FCHSD2: variants seen among roughly 807,000 people sequenced by gnomAD.
FCHSD2 encodes FCH and double SH3 domains 2.
In FCHSD2, 38 loss-of-function variants were observed where a neutral mutation model predicts 108.1. That is an observed-to-expected ratio of 0.35 (90% CI 0.27 to 0.46). The LOEUF is 0.46. Ranked by LOEUF, FCHSD2 falls within the 20% of genes least tolerant of loss-of-function variation. The pLI is 1.00. For missense variants in FCHSD2, 751 were observed against 897.8 expected, an observed-to-expected ratio of 0.84 and a Z score of 2.09; for synonymous variants, 279 against 314.7, an observed-to-expected ratio of 0.89 and a Z score of 1.20.
In FCHSD2 at chr11:72,861,357, A is replaced by G. The variant is rs540236258; in HGVS notation, c.1308+6508T>C. Among the ~76,000 whole-genome samples the G allele has an allele frequency of 6.6e-5, 10 of 150,850 alleles. No individual in the cohort carries two copies. In the South Asian group the frequency reaches 1.9e-3, roughly 29 times the overall value. ...AGAAGAATAACCTTAATAACCCTGT[A>G]TCTACTAAAGAAATGGAGTCTATTA... On this transcript the variant is annotated intron_variant, in intron 13 of 19. Coordinates refer to ENST00000409418, the MANE Select transcript of FCHSD2 (RefSeq NM_014824.3).
At chr11:72,899,924 T>C (rs1032735449) in intron 10 of FCHSD2, among the ~76,000 whole-genome samples, 2 of 152,104 alleles carry the variant, frequency 1.3e-5, no homozygotes, top group Admixed American at 6.6e-5. Flanking sequence ...AACAGTAACA[T>C]GTCATTAATT....
At chr11:72,967,316 T>A (rs976098149) in intron 8 of FCHSD2, among the ~76,000 whole-genome samples, 2 of 151,114 alleles carry the variant, frequency 1.3e-5, no homozygotes, top group Admixed American at 1.3e-4. Flanking sequence ...TAGATGAGAA[T>A]AGAGATAGGC....
chr11:72,890,017 A>T (rs1855281552), intron 10 of FCHSD2, 72 bp from the exon 11 acceptor site: 1 of 888,670 alleles, frequency 1.1e-6, no homozygotes, highest in Non-Finnish European at 1.8e-6. Context: ...TTGTAGATGG[A>T]TCAGAAGGCC....
chr11:73,056,805 G>A (rs745966128), intron 3 of FCHSD2, among the ~76,000 whole-genome samples: 4 of 152,086 alleles, frequency 2.6e-5, no homozygotes, highest in South Asian at 2.1e-4. Flanking sequence ...TGACAAGGCC[G>A]GGCGCGGTGG....
At chr11:73,026,594 T>C in intron 3 of FCHSD2, among the ~76,000 whole-genome samples, 1 of 152,176 alleles carries the variant, frequency 6.6e-6, no homozygotes. Context: ...GGTTTGTATA[T>C]TCAAATAGAC....
At chr11:72,955,346 T>C (rs1286737905) in intron 8 of FCHSD2, among the ~76,000 whole-genome samples, 2 of 152,206 alleles carry the variant, frequency 1.3e-5, no homozygotes, top group African/African-American at 4.8e-5. Flanking sequence ...AAGAAATGCA[T>C]AGGGCAAGGT....
chr11:72,900,565 C>T (rs1045426200), intron 10 of FCHSD2, among the ~76,000 whole-genome samples: 1 of 152,028 alleles, frequency 6.6e-6, no homozygotes, highest in Non-Finnish European at 1.5e-5. Context: ...AAGCTTGACA[C>T]ACTTGTCTAT....
At chr11:73,082,196 G>C (rs1434094880) in intron 3 of FCHSD2, among the ~76,000 whole-genome samples, 1 of 151,812 alleles carries the variant, frequency 6.6e-6, no homozygotes, top group African/African-American at 2.4e-5. Flanking sequence ...AATTAGCTGG[G>C]CGTGATGGCG....
intron 9 of FCHSD2, among the ~76,000 whole-genome samples, chr11:72,912,094 G>T (rs757126914): frequency 1.3e-5 from 2 of 152,288 alleles, no homozygotes; most frequent in East Asian, 1.9e-4. Flanking sequence ...CATCTGCAAA[G>T]AATAATAATT....
intron 2 of FCHSD2, among the ~76,000 whole-genome samples, chr11:73,127,612 A>C (rs1179099991): frequency 1.3e-5 from 2 of 152,184 alleles, no homozygotes; most frequent in African/African-American, 2.4e-5. Context: ...ATTTACAAAG[A>C]AAACCATCAA....
At chr11:72,985,660 G>C (rs1023252386) in intron 6 of FCHSD2, among the ~76,000 whole-genome samples, 1 of 145,402 alleles carries the variant, frequency 6.9e-6, no homozygotes, top group Admixed American at 7.0e-5. Context: ...TGCTCTAAGG[G>C]GGTATTCTGA....
At chr11:73,114,829 T>C (rs2135550464) in intron 2 of FCHSD2, among the ~76,000 whole-genome samples, 1 of 152,176 alleles carries the variant, frequency 6.6e-6, no homozygotes, top group East Asian at 1.9e-4. Flanking sequence ...TTACCTCTCC[T>C]CTTCTCAAGC....
intron 9 of FCHSD2, among the ~76,000 whole-genome samples, chr11:72,903,364 C>T (rs986069508): frequency 6.6e-6 from 1 of 152,050 alleles, no homozygotes; most frequent in Non-Finnish European, 1.5e-5. Context: ...CTACAGGCGC[C>T]CGCCACTGCG....
At chr11:72,895,444 G>A (rs895547193) in intron 10 of FCHSD2, among the ~76,000 whole-genome samples, 1 of 152,178 alleles carries the variant, frequency 6.6e-6, no homozygotes, top group Non-Finnish European at 1.5e-5. Flanking sequence ...TAGAGGCATG[G>A]TTAGATGGAA....
At chr11:72,942,031 T>C (rs1358310273) in intron 8 of FCHSD2, among the ~76,000 whole-genome samples, 2 of 152,232 alleles carry the variant, frequency 1.3e-5, no homozygotes, top group African/African-American at 4.8e-5. Context: ...TGATACAGTT[T>C]GAATGTTTTG....
chr11:72,924,122 A>G (rs575487368), intron 8 of FCHSD2, among the ~76,000 whole-genome samples: 46 of 152,146 alleles, frequency 3.0e-4, no homozygotes, highest in Non-Finnish European at 5.7e-4. Context: ...TTTTTTAAAA[A>G]AAGTGATAAG....
chr11:73,030,438 A>G (rs1387252623), intron 3 of FCHSD2, among the ~76,000 whole-genome samples: 1 of 152,178 alleles, frequency 6.6e-6, no homozygotes, highest in Non-Finnish European at 1.5e-5. Context: ...TATCCAAGTG[A>G]GTATATAGTT....
At chr11:72,966,228 C>T (rs1188865411) in intron 8 of FCHSD2, among the ~76,000 whole-genome samples, 3 of 149,234 alleles carry the variant, frequency 2.0e-5, no homozygotes, top group Non-Finnish European at 3.0e-5. Context: ...GGTGCGATGT[C>T]GGCTCACTGC....
intron 4 of FCHSD2, among the ~76,000 whole-genome samples, chr11:73,009,800 C>T (rs753030725): frequency 7.2e-5 from 11 of 151,958 alleles, no homozygotes; most frequent in Non-Finnish European, 1.6e-4. Context: ...CAGGTTACTG[C>T]ATGCTTTTTT....
Sources: allele counts gnomAD v4.1 joint callset (sites outside exome capture counted in the v4.1 genomes callset), GRCh38; gene constraint gnomAD v4.1.1; transcripts MANE v1.5; gene names NCBI Gene and HGNC (gene_info 2026-07-23, HGNC 2026-07-21).